MAP7D2: variants seen among roughly 807,000 people sequenced by gnomAD.
MAP7D2 encodes the protein MAP7 domain-containing protein 2.
MAP7D2 carries 33 observed loss-of-function variants against 63.5 expected under a neutral mutation model. The ratio of observed to expected loss-of-function variants is 0.52; its 90% confidence interval spans 0.39 to 0.70. MAP7D2 has a LOEUF of 0.70. Among genes scored for constraint, MAP7D2 ranks in the 30% least tolerant of loss-of-function variants. The pLI is 0.00. For synonymous variants in MAP7D2, 224 were observed against 223.7 expected (o/e 1.00, Z -0.01); for missense variants, 626 against 604.0 (o/e 1.04, Z -0.38).
chrX:20,064,038 TC>T (rs971306595), intron 2 of MAP7D2, among the ~76,000 whole-genome samples: 1 of 107,769 alleles, frequency 9.3e-6, no homozygotes, highest in African/African-American at 3.7e-5. Flanking sequence ...CTGAGCTAAG[TC>T]AGGGGGTAAA....
At chrX:20,083,111 A>G (rs752499964) in intron 1 of MAP7D2, among the ~76,000 whole-genome samples, 8 of 112,384 alleles carry the variant, frequency 7.1e-5, no homozygotes, top group Non-Finnish European at 1.5e-4. Context: ...CCCTCTTTGG[A>G]AAACAAAAGA....
At chrX:20,115,068 C>T (rs1250532093) in intron 1 of MAP7D2, among the ~76,000 whole-genome samples, 1 of 111,159 alleles carries the variant, frequency 9.0e-6, no homozygotes, top group Non-Finnish European at 1.9e-5. Context: ...ACATTTTAAA[C>T]CTTCACACAT....
intron 1 of MAP7D2, among the ~76,000 whole-genome samples, chrX:20,100,802 AC>A (rs1386492878): frequency 1.8e-5 from 2 of 111,133 alleles, no homozygotes; most frequent in African/African-American, 6.6e-5. Flanking sequence ...CAGGCAGATC[AC>A]CTGAGGTCGG....
chrX:20,014,785 C>T (rs968655072), intron 12 of MAP7D2, among the ~76,000 whole-genome samples: 6 of 111,315 alleles, frequency 5.4e-5, no homozygotes, highest in African/African-American at 9.8e-5. Context: ...GGCATGATCT[C>T]GGCTCACTGC....
At chrX:20,085,261 GAGA>G (rs1243088688) in intron 1 of MAP7D2, among the ~76,000 whole-genome samples, 1 of 112,159 alleles carries the variant, frequency 8.9e-6, no homozygotes, top group Non-Finnish European at 1.9e-5. Context: ...CAGGAAAGAG[GAGA>G]AGAAGGATGG....
intron 1 of MAP7D2, among the ~76,000 whole-genome samples, chrX:20,073,048 C>A (rs957780078): frequency 1.8e-5 from 2 of 110,652 alleles, no homozygotes; most frequent in African/African-American, 6.6e-5. Context: ...AGTGCTCCCC[C>A]CCACCCCAAA....
chrX:20,116,344 C>T (rs895112699), intron 1 of MAP7D2, among the ~76,000 whole-genome samples: 3 of 112,748 alleles, frequency 2.7e-5, no homozygotes, highest in African/African-American at 9.7e-5. Context: ...CGCGCGTTTC[C>T]CAGAACGCAG....
rs759760689 is a variant in MAP7D2, at chrX:20,051,182, A to G, written c.596-236T>C. 6.3e-5 allele frequency among the ~76,000 whole-genome samples: 7 copies of G among 111,702 alleles called. No individual in the cohort carries two copies. The South Asian group carries it at 1.9e-3, about 30-fold the overall frequency. On this transcript the variant is annotated intron_variant, in intron 5 of 16. Coordinates refer to ENST00000379643, the MANE Select transcript of MAP7D2 (RefSeq NM_001168465.2). ...TGTCACTAGGTACCAAAATCCATTC[A>G]ATATGCTATTGCAGTACAGTAACCT...
intron 1 of MAP7D2, among the ~76,000 whole-genome samples, chrX:20,084,196 CAAA>C (rs112492302): frequency 5.3e-5 from 3 of 56,307 alleles, no homozygotes. Flanking sequence ...GCAAGACTCA[CAAA>C]AAAAAAAAAA....
In MAP7D2 at chrX:20,070,600, C is replaced by T. The variant is rs192653720; in HGVS notation, c.131-5795G>A. Among the ~76,000 whole-genome samples, 13 of 111,378 alleles carry T rather than the reference C, an allele frequency of 1.2e-4. No homozygotes were observed. The East Asian group carries it at 2.8e-3, about 24-fold the overall frequency. On this transcript the variant is annotated intron_variant, in intron 1 of 16. Coordinates refer to ENST00000379643, the MANE Select transcript of MAP7D2 (RefSeq NM_001168465.2). ...AAGAGCACCCATGTCAGAGCCACCCCTTCCCCACTGTTGATGCAATAATGT... is the reference window on the plus strand; with the variant it reads ...AAGAGCACCCATGTCAGAGCCACCCTTTCCCCACTGTTGATGCAATAATGT...
Position 20,010,826 on chromosome X carries a change from T to A in MAP7D2, c.2299A>T (p.Thr767Ser). 1.7e-6 allele frequency: 2 copies of A among 1,208,940 alleles called. No homozygotes were observed. Among genetic ancestry groups the A allele is most frequent in the Non-Finnish European group, 2.2e-6 (2 of 894,523 alleles). ...IEGFNSPGQETPLNTFC is the reference protein window; with the variant it reads ...IEGFNSPGQESPLNTFC ...TGTCAACAGAAGGTGTTGAGAGGAGTTTCTTGGCCAGGACTGTTAAATCCT... is the reference window on the plus strand; with the variant it reads ...TGTCAACAGAAGGTGTTGAGAGGAGATTCTTGGCCAGGACTGTTAAATCCT... The change falls in exon 16 of 17, where the codon ACT (threonine) becomes TCT (serine). Residue 767 changes from threonine (T) to serine (S), a missense_variant. Physicochemically the swap from Thr to Ser is moderately conservative, Grantham distance 58. Coordinates refer to ENST00000379643, the MANE Select transcript of MAP7D2 (RefSeq NM_001168465.2).
intron 1 of MAP7D2, among the ~76,000 whole-genome samples, chrX:20,094,530 A>ATATG (rs2066180790): frequency 6.1e-5 from 1 of 16,332 alleles, no homozygotes; most frequent in African/African-American, 4.5e-4. Context: ...ATATATATAT[A>ATATG]TATATATATA....
chrX:20,104,087 A>T (rs1471246415), intron 1 of MAP7D2, among the ~76,000 whole-genome samples: 1 of 111,582 alleles, frequency 9.0e-6, no homozygotes, highest in East Asian at 2.8e-4. Flanking sequence ...TTGTTCTTCT[A>T]TAAAAAGGGT....
intron 1 of MAP7D2, among the ~76,000 whole-genome samples, chrX:20,081,761 T>C (rs970375523): frequency 1.8e-4 from 20 of 110,468 alleles, no homozygotes; most frequent in Admixed American, 1.6e-3. Flanking sequence ...CAAGGGATTC[T>C]TGTGCTTCAG....
chrX:20,116,704 A>G, intron 1 of MAP7D2, 46 bp downstream of exon 1: 1 of 1,112,540 alleles, frequency 9.0e-7, no homozygotes, highest in East Asian at 3.6e-5. Context: ...GCCCCCCCAC[A>G]GGAACCCGAA....
At chrX:20,112,690 T>C (rs995774247) in intron 1 of MAP7D2, among the ~76,000 whole-genome samples, 1 of 111,267 alleles carries the variant, frequency 9.0e-6, no homozygotes, top group Non-Finnish European at 1.9e-5. Flanking sequence ...GGCAGGGCCA[T>C]GGGAAGTTTT....
chrX:20,014,128 G>A (rs2073299308), intron 12 of MAP7D2, among the ~76,000 whole-genome samples: 1 of 112,371 alleles, frequency 8.9e-6, no homozygotes, highest in South Asian at 3.6e-4. Context: ...AGTGTAAATG[G>A]ACTAAACACT....
chrX:20,103,980 C>G (rs1020307269), intron 1 of MAP7D2, among the ~76,000 whole-genome samples: 1 of 111,970 alleles, frequency 8.9e-6, no homozygotes, highest in Non-Finnish European at 1.9e-5. Context: ...CACTGAGAAC[C>G]CTTGGGCCTC....
intron 1 of MAP7D2, among the ~76,000 whole-genome samples, chrX:20,095,754 A>G (rs1000877594): frequency 8.9e-6 from 1 of 111,971 alleles, no homozygotes; most frequent in Admixed American, 9.5e-5. Flanking sequence ...AAAATGTGGT[A>G]TATCTATGCA....
Sources: allele counts gnomAD v4.1 joint callset (sites outside exome capture counted in the v4.1 genomes callset), GRCh38; gene constraint gnomAD v4.1.1; transcripts MANE v1.5; gene names NCBI Gene and HGNC (gene_info 2026-07-23, HGNC 2026-07-21).